Variants in STMN3 observed in about 807,000 individuals in gnomAD.
The protein encoded by STMN3 is stathmin 3.
A neutral mutation model predicts 23.2 loss-of-function variants in STMN3; 24 were observed. The observed-to-expected ratio is 1.03, with a 90% CI of 0.75 to 1.45. The LOEUF (loss-of-function observed/expected upper bound fraction) is 1.45, where lower values mean the gene tolerates loss of function less well. STMN3 is among the 40% of genes most tolerant of loss of function. The pLI is 0.00. For missense variants in STMN3, 235 were observed against 237.6 expected (o/e 0.99, Z 0.07); for synonymous variants, 117 against 103.4 (o/e 1.13, Z -0.80).
chr20:63,646,574 C>T (rs1030334413), intron 1 of STMN3, among the ~76,000 whole-genome samples: 11 of 151,192 alleles, frequency 7.3e-5, no homozygotes, highest in South Asian at 2.1e-4. Context: ...AGGATAGTCT[C>T]GATCTCCTGA....
chr20:63,646,741 C>T (rs1370554664), intron 1 of STMN3, among the ~76,000 whole-genome samples: 1 of 151,766 alleles, frequency 6.6e-6, no homozygotes, highest in Non-Finnish European at 1.5e-5. Flanking sequence ...CCTTGAACTT[C>T]TGGGCTTGAC....
rs1270275830 is a variant in STMN3, at chr20:63,644,285, A to G, written c.44T>C (p.Leu15Pro). 6.2e-7 allele frequency: 1 copy of G among 1,613,358 alleles called. No homozygotes were observed. Among genetic ancestry groups the G allele is most frequent in the Non-Finnish European group, 8.5e-7 (1 of 1,179,820 alleles). ...ISAYKEKMKE[L>P]SVLSLICSCF... ...GGAGCAGATGAGCGACAGCACCGAC[A>G]GCTCCTTCATCTTCTCCTTGTAGGC... Residue 15 changes from leucine (L) to proline (P), a missense_variant, in exon 2 of 5, where the codon CTG (leucine) becomes CCG (proline). Transcript: ENST00000370053.
chr20:63,644,079 A>C, intron 2 of STMN3, 135 bp downstream of exon 2: 1 of 1,336,200 alleles, frequency 7.5e-7, no homozygotes, highest in Admixed American at 2.2e-5. Flanking sequence ...AGCCCCCAGG[A>C]TGGGCCCCTT....
chr20:63,647,912 A>G (rs2146119731), intron 1 of STMN3, among the ~76,000 whole-genome samples: 10 of 116,580 alleles, frequency 8.6e-5, no homozygotes, highest in South Asian at 5.1e-4. Context: ...ACACGTGTGT[A>G]TATATTAATA....
rs1045407950 is a variant in STMN3, at chr20:63,643,645, G to A, written c.291+111C>T. The A allele has an allele frequency of 7.1e-6, 10 of 1,399,310 alleles. No individual in the cohort carries two copies. The African/African-American group carries it at 1.1e-4, about 15-fold the overall frequency. The allele number at this position is 1,399,310 out of a possible 1,614,324, so 86.7% of individuals were successfully genotyped here. On this transcript the variant is annotated intron_variant, in intron 3 of 4. Transcript: ENST00000370053. ...GGAGCCACAGCCCCTCCTGCTCCAG[G>A]CCAAGGCACTGACCAAGCCTGTCCG...
At chr20:63,651,692 C>T (rs904208170) in intron 1 of STMN3, among the ~76,000 whole-genome samples, 6 of 152,206 alleles carry the variant, frequency 3.9e-5, no homozygotes, top group African/African-American at 1.4e-4. Flanking sequence ...CAGAACAAGC[C>T]CCAGGAGAGG....
intron 2 of STMN3, 68 bp downstream of exon 2, chr20:63,644,146 G>A (rs970317669): frequency 8.8e-6 from 13 of 1,481,700 alleles, no homozygotes; most frequent in South Asian, 3.5e-5. Flanking sequence ...AGAGACTGCC[G>A]GAGGCCGGGG....
rs1281639846 is a variant in STMN3, at chr20:63,641,328, T to C, written c.*10A>G. 2 of 1,561,086 alleles carry C rather than the reference T, an allele frequency of 1.3e-6. No homozygotes were observed. Among genetic ancestry groups the C allele is most frequent in the Non-Finnish European group, 1.7e-6 (2 of 1,153,480 alleles). On this transcript the variant is annotated 3_prime_UTR_variant, in exon 5 of 5. Transcript: ENST00000370053. ...TCTGTCGCAGGATGGGCGCCGCCCG[T>C]CCCGGGCCCTTAGCCCGACATCTCT...
chr20:63,643,699 C>T, intron 3 of STMN3, 57 bp downstream of exon 3: 1 of 1,477,880 alleles, frequency 6.8e-7, no homozygotes, highest in Non-Finnish European at 8.9e-7. Flanking sequence ...CAGGCCCTGT[C>T]CCCGTGGGCC....
At chr20:63,646,719 G>A (rs933551919) in intron 1 of STMN3, among the ~76,000 whole-genome samples, 6 of 151,960 alleles carry the variant, frequency 3.9e-5, no homozygotes, top group Middle Eastern at 3.4e-3. Flanking sequence ...GCAGCTGTGC[G>A]GTTCACTGCA....
chr20:63,641,260 T>A lies in STMN3; in HGVS notation c.*78A>T. On this transcript the variant is annotated 3_prime_UTR_variant, in exon 5 of 5. Coordinates refer to ENST00000370053, the MANE Select transcript of STMN3 (RefSeq NM_015894.4). ...TGGGGGAGGAGGAACAAAAGTTGCA[T>A]CTAGACAGAGGTGAACGAAACAAAA... The A allele has an allele frequency of 2.2e-6, 3 of 1,361,418 alleles. No individual in the cohort carries two copies. The highest frequency in any genetic ancestry group is 2.5e-5 in the East Asian group (1 of 40,072). The allele number at this position is 1,361,418 out of a possible 1,614,324, so 84.3% of individuals were successfully genotyped here. A position where few individuals can be genotyped will look rare whatever the true frequency, so the allele number is the denominator to read the frequency against.
Position 63,643,766 on chromosome 20 carries a change from T to A in STMN3, c.281A>T (p.Glu94Val), listed in dbSNP as rs1174255569. Reference sequence around the variant, plus strand: ...TGGAGGACTCCTTGCCTTCCTCCGCTCCTCGGCTGCCTCCAGCCGCTTTTG... The same window carrying A: ...TGGAGGACTCCTTGCCTTCCTCCGCACCTCGGCTGCCTCCAGCCGCTTTTG... ...ELQKRLEAAE[E>V]RRKTQEAQVL... The change falls in exon 3 of 5, where the codon GAG (glutamate) becomes GTG (valine). Residue 94 changes from glutamate to valine, a missense_variant. Glu to Val is a moderately radical substitution (Grantham distance 121). Transcript: ENST00000370053. 21 of 1,547,176 alleles carry A rather than the reference T, an allele frequency of 1.4e-5. No homozygotes were observed. Among genetic ancestry groups the A allele is most frequent in the Non-Finnish European group, 1.8e-5 (21 of 1,156,386 alleles).
chr20:63,653,209 C>T (rs900618828), intron 1 of STMN3, 118 bp downstream of exon 1: 8 of 1,332,164 alleles, frequency 6.0e-6, no homozygotes, highest in East Asian at 3.0e-5. Flanking sequence ...AGGCTTGCAA[C>T]GCGCAGGGTA....
At chr20:63,647,091 T>C (rs1488986821) in intron 1 of STMN3, among the ~76,000 whole-genome samples, 1 of 150,970 alleles carries the variant, frequency 6.6e-6, no homozygotes, top group Non-Finnish European at 1.5e-5. Context: ...GCAGATCACC[T>C]GAGGTCAGGA....
intron 1 of STMN3, among the ~76,000 whole-genome samples, chr20:63,647,960 G>GTGTATATATATATA (rs1424237875): frequency 1.1e-4 from 6 of 53,354 alleles, no homozygotes; most frequent in Non-Finnish European, 1.6e-4. Flanking sequence ...ATATATATAT[G>GTGTATATATATATA]TATATATATA....
intron 1 of STMN3, among the ~76,000 whole-genome samples, chr20:63,649,521 CCTCTCT>C (rs35280689): frequency 6.6e-6 from 1 of 151,494 alleles, no homozygotes; most frequent in Non-Finnish European, 1.5e-5. Context: ...GGCATTGCTC[CCTCTCT>C]CTCTCTCTTT....
At position 63,643,885 on chromosome 20, in the gene STMN3, G is replaced by T; in HGVS notation, c.162C>A (p.Phe54Leu). ...QLDKRASGQS[F>L]EVILKSPSDL... ...CAGAAGGGGACTTGAGGATGACCTC[G>T]AAGCTCTGGCCTGAGGCCCGCTTGT... The change falls in exon 3 of 5, where the codon TTC (phenylalanine) becomes TTA (leucine). Residue 54 changes from phenylalanine (F) to leucine (L), a missense_variant. By Grantham distance (22) the Phe-to-Leu change is conservative (BLOSUM62 0). Transcript: ENST00000370053. 6.3e-7 allele frequency: 1 copy of T among 1,596,898 alleles called. No individual in the cohort carries two copies. The highest frequency in any genetic ancestry group is 1.1e-5 in the South Asian group (1 of 88,438).
chr20:63,643,699 C>G, intron 3 of STMN3, 57 bp downstream of exon 3: 1 of 1,477,880 alleles, frequency 6.8e-7, no homozygotes. Flanking sequence ...CAGGCCCTGT[C>G]CCCGTGGGCC....
At chr20:63,646,562 C>T (rs1163254493) in intron 1 of STMN3, among the ~76,000 whole-genome samples, 1 of 151,482 alleles carries the variant, frequency 6.6e-6, no homozygotes, top group African/African-American at 2.4e-5. Context: ...ACTATATTAG[C>T]CAGGATAGTC....
Sources: gnomAD v4.1 joint callset for allele counts (sites outside exome capture counted in the v4.1 genomes callset) on GRCh38, gnomAD v4.1.1 for gene constraint, MANE v1.5 for transcripts, NCBI Gene and HGNC (gene_info 2026-07-23, HGNC 2026-07-21) for gene names.